ANKRD30A: variants seen among roughly 807,000 people sequenced by gnomAD.
ANKRD30A encodes the protein ankyrin repeat domain 30A, also known as ankyrin repeat domain-containing protein 30A.
In ANKRD30A, 170 loss-of-function variants were observed where a neutral mutation model predicts 166.3. The observed-to-expected ratio is 1.02, with a 90% CI of 0.90 to 1.16. The LOEUF (loss-of-function observed/expected upper bound fraction) is 1.16, where lower values mean the gene tolerates loss of function less well. ANKRD30A is among the 50% of genes most tolerant of loss of function. ANKRD30A has a pLI of 0.00. For synonymous variants in ANKRD30A, 564 were observed against 508.9 expected, an observed-to-expected ratio of 1.11 and a Z score of -1.46; for missense variants, 1,630 against 1,518.0, an observed-to-expected ratio of 1.07 and a Z score of -1.23.
chr10:37,220,855 G>A (rs1313355366), intron 34 of ANKRD30A, among the ~76,000 whole-genome samples: 2 of 151,032 alleles, frequency 1.3e-5, no homozygotes, highest in African/African-American at 4.8e-5. Flanking sequence ...GGGATGCAGA[G>A]ACCAGGTTAC....
chr10:37,153,492 G>T, intron 12 of ANKRD30A, 80 bp from the exon 13 acceptor site: 11 of 1,575,562 alleles, frequency 7.0e-6, no homozygotes, highest in Non-Finnish European at 9.4e-6. Context: ...TTTTAAAAAA[G>T]AATTTAATTA....
At chr10:37,249,227 G>T in the ANKRD30A span, among the ~76,000 whole-genome samples, 1 of 152,202 alleles carries the variant, frequency 6.6e-6, no homozygotes, top group African/African-American at 2.4e-5. Context: ...TGGGAACAAA[G>T]AGAAGAGATT....
intron 25 of ANKRD30A, among the ~76,000 whole-genome samples, chr10:37,192,302 C>A (rs1288579132): frequency 6.6e-6 from 1 of 151,946 alleles, no homozygotes; most frequent in Non-Finnish European, 1.5e-5. Context: ...CCTCGGCCTT[C>A]CAAATTGCTG....
the ANKRD30A span, among the ~76,000 whole-genome samples, chr10:37,252,846 T>A: frequency 6.6e-6 from 1 of 152,188 alleles, no homozygotes; most frequent in African/African-American, 2.4e-5. Flanking sequence ...ATATAAGTGC[T>A]TATATAAGAT....
rs1475783959 is a variant in ANKRD30A at position 37,197,436 on chromosome 10, C to T, written c.2672C>T (p.Pro891Leu). 6.2e-7 allele frequency: 1 copy of T among 1,612,584 alleles called. No homozygotes were observed. The highest frequency in any genetic ancestry group is 8.5e-7 in the Non-Finnish European group (1 of 1,179,696). Residue 891 changes from proline to leucine, a missense_variant, in exon 29 of 36, where the codon CCA (proline) becomes CTA (leucine). By Grantham distance (98) the Pro-to-Leu change is moderately conservative. Transcript: ENST00000361713. ...GCCATTGAAATGCAAAAGTCTGTTC[C>T]AAATAAAGCCTTGGAATTGAAGAAT... ...EPAIEMQKSV[P>L]NKALELKNEQ...
intron 5 of ANKRD30A, 93 bp downstream of exon 5, chr10:37,134,146 T>C (rs1219177431): frequency 1.4e-6 from 2 of 1,461,426 alleles, no homozygotes; most frequent in Non-Finnish European, 1.9e-6. Context: ...AGCCAGAAAC[T>C]AGGCAAAAAG....
At chr10:37,193,661 T>A (rs1840790035) in intron 27 of ANKRD30A, among the ~76,000 whole-genome samples, 1 of 152,096 alleles carries the variant, frequency 6.6e-6, no homozygotes, top group African/African-American at 2.4e-5. Flanking sequence ...GTTACCACTC[T>A]GAGAATCTTA....
intron 27 of ANKRD30A, among the ~76,000 whole-genome samples, chr10:37,196,545 T>G (rs1258269289): frequency 1.3e-5 from 2 of 152,194 alleles, no homozygotes; most frequent in African/African-American, 4.8e-5. Context: ...AAAATAAGAT[T>G]GCTTTTTAAG....
the ANKRD30A span, among the ~76,000 whole-genome samples, chr10:37,251,752 A>C: frequency 6.6e-6 from 1 of 152,174 alleles, no homozygotes; most frequent in African/African-American, 2.4e-5. Context: ...ATTCACTAGA[A>C]TGCTTCCAAG....
chr10:37,230,026 A>G (rs1312753880), intron 34 of ANKRD30A, among the ~76,000 whole-genome samples: 6 of 151,958 alleles, frequency 3.9e-5, no homozygotes, highest in Non-Finnish European at 7.4e-5. Flanking sequence ...GTTTAGACAC[A>G]AGCAGAAACT....
chr10:37,236,682 T>C (rs1267709705), downstream of ANKRD30A, among the ~76,000 whole-genome samples: 1 of 152,208 alleles, frequency 6.6e-6, no homozygotes, highest in African/African-American at 2.4e-5. Flanking sequence ...AAGTTCAGGT[T>C]TGTCTTTGTG....
In ANKRD30A at chr10:37,209,486, G is replaced by T. The variant is rs144004701; in HGVS notation, c.2870-6695G>T. ...ACCAATATTCATGAGGATCACTATT[G>T]TGAGTACAGCACCAAAGGCACGGTG... On this transcript the variant is annotated intron_variant, in intron 31 of 35. Coordinates refer to ENST00000361713, the MANE Select transcript of ANKRD30A (RefSeq NM_052997.3). Among the ~76,000 whole-genome samples the T allele has an allele frequency of 5.3e-5, 8 of 152,212 alleles. No homozygotes were observed. In the East Asian group the frequency reaches 7.7e-4, roughly 15 times the overall value.
chr10:37,250,580 C>T, the ANKRD30A span, among the ~76,000 whole-genome samples: 2 of 152,082 alleles, frequency 1.3e-5, no homozygotes, highest in African/African-American at 4.8e-5. Context: ...AAACCCAAAA[C>T]CATAAAGTGA....
At chr10:37,196,613 G>A (rs1176025702) in intron 27 of ANKRD30A, among the ~76,000 whole-genome samples, 4 of 152,028 alleles carry the variant, frequency 2.6e-5, no homozygotes, top group African/African-American at 9.7e-5. Flanking sequence ...TTCATCTATT[G>A]CAATAAATTT....
At chr10:37,245,384 TAGTAAC>T in the ANKRD30A span, among the ~76,000 whole-genome samples, 1 of 152,184 alleles carries the variant, frequency 6.6e-6, no homozygotes, top group African/African-American at 2.4e-5. Context: ...CATCTGTAAA[TAGTAAC>T]AGTCTTCTTT....
At chr10:37,263,524 T>C in the ANKRD30A span, among the ~76,000 whole-genome samples, 1 of 151,056 alleles carries the variant, frequency 6.6e-6, no homozygotes, top group African/African-American at 2.4e-5. Flanking sequence ...TGGGAGACAG[T>C]GAGAGATCAT....
At chr10:37,199,145 A>C (rs1246087961) in intron 29 of ANKRD30A, among the ~76,000 whole-genome samples, 1 of 152,112 alleles carries the variant, frequency 6.6e-6, no homozygotes, top group Non-Finnish European at 1.5e-5. Context: ...CATATGCAAT[A>C]AAAGTTTTTT....
intron 31 of ANKRD30A, among the ~76,000 whole-genome samples, chr10:37,209,864 T>C (rs1028299729): frequency 6.6e-6 from 1 of 152,144 alleles, no homozygotes; most frequent in African/African-American, 2.4e-5. Flanking sequence ...TTTCCTATTG[T>C]TGACATCATT....
chr10:37,145,073 A>G lies in ANKRD30A; in HGVS notation c.1455+17A>G, dbSNP rs1349345028. On this transcript the variant is annotated intron_variant, in intron 8 of 35. Coordinates refer to ENST00000361713, the MANE Select transcript of ANKRD30A (RefSeq NM_052997.3). ...GATTCTCGGGTATTGTGTATTATTG[A>G]TGTTATTCTCTAAAAATATTAATAT... 3.3e-6 allele frequency: 5 copies of G among 1,532,424 alleles called. No individual in the cohort carries two copies. In the Admixed American group the frequency reaches 6.0e-5, roughly 18 times the overall value. The allele number at this position is 1,532,424 out of a possible 1,614,324, so 94.9% of individuals were successfully genotyped here.
Sources: gnomAD v4.1 joint callset for allele counts (sites outside exome capture counted in the v4.1 genomes callset) on GRCh38, gnomAD v4.1.1 for gene constraint, MANE v1.5 for transcripts, NCBI Gene and HGNC (gene_info 2026-07-23, HGNC 2026-07-21) for gene names.